CNTLN: variants seen among roughly 807,000 people sequenced by gnomAD.
CNTLN encodes centlein.
CNTLN carries 212 observed loss-of-function variants against 180.0 expected under a neutral mutation model. The ratio of observed to expected loss-of-function variants is 1.18; its 90% CI spans 1.05 to 1.32. The LOEUF (loss-of-function observed/expected upper bound fraction) is 1.32. Ranked by LOEUF, CNTLN falls within the 40% of genes most tolerant of loss-of-function variation. The pLI is 0.00. For missense variants in CNTLN, 2,095 were observed against 1,610.9 expected, an observed-to-expected ratio of 1.30 and a Z score of -5.14; for synonymous variants, 722 against 563.1, an observed-to-expected ratio of 1.28 and a Z score of -3.99.
intron 25 of CNTLN, chr9:17,487,291 A>T: frequency 2.0e-6 from 1 of 494,716 alleles, no homozygotes; most frequent in Non-Finnish European, 3.6e-6. Flanking sequence ...GTCTTAGCAA[A>T]TGCATTAATT....
intron 5 of CNTLN, among the ~76,000 whole-genome samples, chr9:17,253,818 C>T (rs909810496): frequency 2.6e-4 from 39 of 148,688 alleles, no homozygotes; most frequent in African/African-American, 9.4e-4. Context: ...ACTGTGTTGA[C>T]TAGAAGTGGT....
At position 17,503,536 on chromosome 9, in the gene CNTLN, C is replaced by T. The variant is rs566213864; in HGVS notation, c.*884C>T. On this transcript the variant is annotated 3_prime_UTR_variant, in exon 26 of 26. Coordinates refer to ENST00000380647, the MANE Select transcript of CNTLN (RefSeq NM_017738.4). ...TCTTCTCTCTTTCTAGAATACTCTG[C>T]ACTCAACTTTCCTCATGGCTGGCTC... 2.1e-3 allele frequency: 318 copies of T among 152,392 alleles called. No individual in the cohort carries two copies. The highest frequency in any genetic ancestry group is 4.4e-3 in the Admixed American group (68 of 15,290). The allele number at this position is 152,392 out of a possible 1,614,324, so 9.4% of individuals were successfully genotyped here. A position where few individuals can be genotyped will look rare whatever the true frequency, so the allele number is the denominator to read the frequency against.
chr9:17,515,514 A>C, the CNTLN span, among the ~76,000 whole-genome samples: 2 of 152,060 alleles, frequency 1.3e-5, no homozygotes, highest in Non-Finnish European at 2.9e-5. Flanking sequence ...AGGTATCCCA[A>C]ATGTCACATG....
intron 2 of CNTLN, among the ~76,000 whole-genome samples, chr9:17,160,506 C>A (rs1819605770): frequency 6.6e-6 from 1 of 152,116 alleles, no homozygotes; most frequent in South Asian, 2.1e-4. Flanking sequence ...AAAATCAATG[C>A]CCAAGTTCAG....
At chr9:17,454,702 T>A (rs551043034) in intron 18 of CNTLN, among the ~76,000 whole-genome samples, 2 of 152,328 alleles carry the variant, frequency 1.3e-5, no homozygotes, top group African/African-American at 4.8e-5. Flanking sequence ...TAAGATTCTG[T>A]CCTCGAGATC....
chr9:17,371,690 C>T (rs1452129185), intron 13 of CNTLN, among the ~76,000 whole-genome samples: 1 of 152,098 alleles, frequency 6.6e-6, no homozygotes, highest in African/African-American at 2.4e-5. Flanking sequence ...ATCGATCATT[C>T]TCGAGGACAG....
chr9:17,460,438 A>T (rs988463215), intron 19 of CNTLN, among the ~76,000 whole-genome samples: 1 of 151,750 alleles, frequency 6.6e-6, no homozygotes, highest in African/African-American at 2.4e-5. Flanking sequence ...TGTTACAGAT[A>T]TATATTGTAT....
chr9:17,312,337 C>A (rs546287218), intron 8 of CNTLN, among the ~76,000 whole-genome samples: 2,783 of 42,540 alleles, frequency 0.065, 104 homozygotes, highest in African/African-American at 0.14. Flanking sequence ...GATAAGATTA[C>A]TGTATTTATA....
Position 17,240,720 on chromosome 9 carries a change from T to C in CNTLN, c.849+4132T>C, listed in dbSNP as rs534552366. 2.0e-5 allele frequency among the ~76,000 whole-genome samples: 3 copies of C among 152,328 alleles called. No homozygotes were observed. In the East Asian group the frequency reaches 5.8e-4, roughly 29 times the overall value. On this transcript the variant is annotated intron_variant, in intron 5 of 25. Coordinates refer to ENST00000380647, the MANE Select transcript of CNTLN (RefSeq NM_017738.4). ...ATTCTGTTCACTTTATTGATTGCCC[T>C]CTTTGCTGTGCGGAAGCTTTTTAAG...
intron 12 of CNTLN, 67 bp from the exon 13 acceptor site, chr9:17,366,550 T>C: frequency 1.5e-6 from 1 of 683,424 alleles, no homozygotes; most frequent in Non-Finnish European, 2.5e-6. Context: ...TATATTTAAA[T>C]GTATATGTTT....
intron 18 of CNTLN, among the ~76,000 whole-genome samples, chr9:17,419,208 C>G (rs1162790313): frequency 6.6e-6 from 1 of 152,008 alleles, no homozygotes; most frequent in Non-Finnish European, 1.5e-5. Flanking sequence ...AAATGGTATA[C>G]TAGGTAAATG....
At chr9:17,301,835 C>T (rs1330300243) in intron 7 of CNTLN, 4 of 979,042 alleles carry the variant, frequency 4.1e-6, no homozygotes, top group East Asian at 1.1e-4. Context: ...GAGGCAAATA[C>T]TGTGAACATT....
At chr9:17,303,889 C>A (rs1231136781) in intron 7 of CNTLN, among the ~76,000 whole-genome samples, 1 of 152,142 alleles carries the variant, frequency 6.6e-6, no homozygotes, top group Non-Finnish European at 1.5e-5. Flanking sequence ...AAAAGTATTA[C>A]ACTAACAATT....
intron 8 of CNTLN, among the ~76,000 whole-genome samples, chr9:17,317,575 A>G (rs1053069738): frequency 6.6e-6 from 1 of 152,184 alleles, no homozygotes; most frequent in Non-Finnish European, 1.5e-5. Flanking sequence ...CACATGACAC[A>G]CGGTAATAAG....
intron 15 of CNTLN, among the ~76,000 whole-genome samples, chr9:17,409,039 G>C (rs989639962): frequency 5.9e-5 from 9 of 152,152 alleles, no homozygotes; most frequent in African/African-American, 1.4e-4. Flanking sequence ...GTTAACACTT[G>C]GTTGAAGTAC....
chr9:17,151,629 G>A (rs1586924242), intron 2 of CNTLN, among the ~76,000 whole-genome samples: 1 of 152,034 alleles, frequency 6.6e-6, no homozygotes, highest in East Asian at 1.9e-4. Flanking sequence ...TTCTTTTTTT[G>A]TTGTGTCTCT....
intron 16 of CNTLN, among the ~76,000 whole-genome samples, chr9:17,415,186 C>A (rs1172297909): frequency 6.6e-6 from 1 of 151,984 alleles, no homozygotes; most frequent in Non-Finnish European, 1.5e-5. Context: ...ACAAGGCTTC[C>A]TTTTATTCAG....
chr9:17,411,242 A>C (rs962318107), intron 16 of CNTLN, among the ~76,000 whole-genome samples: 14 of 152,258 alleles, frequency 9.2e-5, no homozygotes, highest in African/African-American at 3.4e-4. Flanking sequence ...TAGGTCAGAC[A>C]ATACATGCCC....
At chr9:17,216,452 G>A (rs1823759900) in intron 2 of CNTLN, among the ~76,000 whole-genome samples, 1 of 152,150 alleles carries the variant, frequency 6.6e-6, no homozygotes, top group Non-Finnish European at 1.5e-5. Flanking sequence ...AGGGAATAAA[G>A]GCAAGATGAT....
Sources: gnomAD v4.1 joint callset for allele counts (sites outside exome capture counted in the v4.1 genomes callset) on GRCh38, gnomAD v4.1.1 for gene constraint, MANE v1.5 for transcripts, NCBI Gene and HGNC (gene_info 2026-07-23, HGNC 2026-07-21) for gene names.